The following BLTP1 variants were observed in gnomAD, a reference collection of about 807,000 sequenced individuals.
BLTP1 encodes fragile site-associated protein.
At chr4:122,252,789 T>A in the BLTP1 span, among the ~76,000 whole-genome samples, 4 of 152,134 alleles carry the variant, frequency 2.6e-5, no homozygotes, top group Non-Finnish European at 5.9e-5. Context: ...TGTACAGCTC[T>A]AGGTCTGTGA....
At chr4:122,311,594 TA>T in the BLTP1 span, among the ~76,000 whole-genome samples, 1 of 150,570 alleles carries the variant, frequency 6.6e-6, no homozygotes, top group African/African-American at 2.4e-5. Flanking sequence ...AAACATACTC[TA>T]AAAAAAAAGT....
chr4:122,192,398 T>C, the BLTP1 span: 1 of 1,523,206 alleles, frequency 6.6e-7, no homozygotes, highest in Non-Finnish European at 9.1e-7. Context: ...GTATGTTATA[T>C]TTCTAATAAG....
At chr4:122,213,374 T>C in the BLTP1 span, among the ~76,000 whole-genome samples, 1 of 152,132 alleles carries the variant, frequency 6.6e-6, no homozygotes, top group Non-Finnish European at 1.5e-5. Flanking sequence ...TGTATTTTAC[T>C]TGGTATCAGT....
At chr4:122,316,926 A>C in the BLTP1 span, 1 of 1,162,602 alleles carries the variant, frequency 8.6e-7, no homozygotes, top group Non-Finnish European at 1.2e-6. Context: ...AGATGTTAAA[A>C]GTGGAAGAAA....
the BLTP1 span, chr4:122,211,081 T>C: frequency 1.4e-5 from 22 of 1,610,634 alleles, no homozygotes; most frequent in Non-Finnish European, 1.7e-5. Flanking sequence ...ACTAAATGCC[T>C]TTTTGTGTAT....
the BLTP1 span, chr4:122,193,796 T>G: frequency 4.0e-6 from 1 of 247,146 alleles, no homozygotes; most frequent in Non-Finnish European, 6.5e-6. Flanking sequence ...ATGTATTGAC[T>G]TTTTAAATGC....
At chr4:122,343,391 T>C in the BLTP1 span, 1 of 1,609,654 alleles carries the variant, frequency 6.2e-7, no homozygotes, top group Non-Finnish European at 8.5e-7. Flanking sequence ...ATATTTTCAA[T>C]TTCCTGTGCT....
chr4:122,153,140 G>A, the BLTP1 span: 1 of 505,566 alleles, frequency 2.0e-6, no homozygotes. Context: ...TTTTCTTCCG[G>A]AGAGTATTAG....
chr4:122,164,302 C>T, the BLTP1 span: 1 of 682,048 alleles, frequency 1.5e-6, no homozygotes. Context: ...AGCATCCTGT[C>T]CTCCAGCCAT....
the BLTP1 span, among the ~76,000 whole-genome samples, chr4:122,323,725 A>T: frequency 1.3e-5 from 2 of 152,098 alleles, no homozygotes; most frequent in Non-Finnish European, 2.9e-5. Context: ...TCTACACAAC[A>T]GTCATACAAT....
At chr4:122,349,239 T>C in the BLTP1 span, 1 of 1,613,526 alleles carries the variant, frequency 6.2e-7, no homozygotes, top group Non-Finnish European at 8.5e-7. The surrounding 1 kb of genome is among the most constrained non-coding windows in gnomAD (Gnocchi z 4.5). Context: ...TGTCTGTTGG[T>C]CTGGGAAGAT....
the BLTP1 span, among the ~76,000 whole-genome samples, chr4:122,360,410 T>C: frequency 6.6e-6 from 1 of 152,204 alleles, no homozygotes; most frequent in South Asian, 2.1e-4. Context: ...CTAACAGCCT[T>C]CCTGTTTTTT....
At chr4:122,320,782 C>T in the BLTP1 span, among the ~76,000 whole-genome samples, 1 of 151,886 alleles carries the variant, frequency 6.6e-6, no homozygotes, top group East Asian at 1.9e-4. Flanking sequence ...CATTTTACAC[C>T]ACTGACATTT....
At chr4:122,359,802 AT>A in the BLTP1 span, 2 of 1,500,934 alleles carry the variant, frequency 1.3e-6, no homozygotes, top group South Asian at 1.4e-5. Context: ...TAAGTTACAT[AT>A]GATTATCAAA....
the BLTP1 span, chr4:122,302,317 C>T: frequency 4.9e-5 from 43 of 878,286 alleles, no homozygotes; most frequent in African/African-American, 7.6e-4. Context: ...TTTTATTGCA[C>T]TTCGCTTTAT....
chr4:122,318,350 C>A, the BLTP1 span: 2 of 1,079,262 alleles, frequency 1.9e-6, no homozygotes, highest in Non-Finnish European at 2.8e-6. Context: ...TACCAGGTAC[C>A]ATCTAAAGCA....
the BLTP1 span, chr4:122,343,610 G>T: frequency 6.2e-7 from 1 of 1,613,374 alleles, no homozygotes; most frequent in Non-Finnish European, 8.5e-7. Context: ...AGGAGGATTA[G>T]GTATACTTTG....
At chr4:122,271,755 C>G in the BLTP1 span, 1 of 1,400,996 alleles carries the variant, frequency 7.1e-7, no homozygotes, top group East Asian at 2.3e-5. Flanking sequence ...TTAAAAATTT[C>G]CATTTACAAT....
chr4:122,226,835 G>T, the BLTP1 span: 1 of 1,598,434 alleles, frequency 6.3e-7, no homozygotes, highest in Non-Finnish European at 8.5e-7. Context: ...GTGAATCCAA[G>T]GTATATTAAC....
Sources: gnomAD v4.1 joint callset for allele counts (sites outside exome capture counted in the v4.1 genomes callset) on GRCh38, gnomAD v4.1.1 for gene constraint, Gnocchi (gnomAD v3.1) non-coding constraint, MANE v1.5 for transcripts, NCBI Gene and HGNC (gene_info 2026-07-23, HGNC 2026-07-21) for gene names.